Variants in ZFAND3 observed in about 807,000 individuals in gnomAD.
ZFAND3 encodes the protein zinc finger AN1-type containing 3.
Under a neutral mutation model 29.6 loss-of-function variants are expected in ZFAND3, and 10 were observed. That is an observed-to-expected ratio of 0.34 (90% confidence interval 0.21 to 0.57). The LOEUF is 0.57. Among genes scored for constraint, ZFAND3 ranks in the 20% least tolerant of loss-of-function variants. ZFAND3 has a pLI of 0.86. For missense variants in ZFAND3, 230 were observed against 304.5 expected (o/e 0.76, Z 1.82); for synonymous variants, 128 against 112.6 (o/e 1.14, Z -0.87).
intron 4 of ZFAND3, among the ~76,000 whole-genome samples, chr6:38,096,641 G>GT (rs1764986889): frequency 6.6e-6 from 1 of 152,054 alleles, no homozygotes; most frequent in South Asian, 2.1e-4. Flanking sequence ...CTTTGTGGGG[G>GT]TTTTTTTGTT....
chr6:38,132,663 C>T (rs1354589881), intron 5 of ZFAND3, among the ~76,000 whole-genome samples: 1 of 152,228 alleles, frequency 6.6e-6, no homozygotes, highest in Non-Finnish European at 1.5e-5. Flanking sequence ...CCAGTCCAGA[C>T]CCCTAAACTG....
In ZFAND3 at chr6:38,068,141, C is replaced by T. The variant is rs775756157; in HGVS notation, c.295+6366C>T. Among the ~76,000 whole-genome samples the T allele has an allele frequency of 1.6e-3, 243 of 152,254 alleles. 1 individual carries two copies. The highest frequency in any genetic ancestry group is 3.0e-3 in the Non-Finnish European group (205 of 68,026). On this transcript the variant is annotated intron_variant, in intron 3 of 5. Coordinates refer to ENST00000287218, the MANE Select transcript of ZFAND3 (RefSeq NM_021943.3). ...TACATACTAAGAATTAAACAGCAAC[C>T]AGCTCTTACATAAAACTATAGTTTA... is the stretch of plus-strand genomic sequence containing the variant.
At chr6:38,114,430 T>C (rs1371226443) in intron 4 of ZFAND3, among the ~76,000 whole-genome samples, 1 of 152,256 alleles carries the variant, frequency 6.6e-6, no homozygotes, top group African/African-American at 2.4e-5. Context: ...TGACTGGGCC[T>C]GGACAGCTTT....
chr6:37,880,419 G>A (rs995356080), intron 1 of ZFAND3, among the ~76,000 whole-genome samples: 6 of 152,290 alleles, frequency 3.9e-5, no homozygotes, highest in East Asian at 3.9e-4. Context: ...TCAAACAATG[G>A]AATAACTTGC....
At position 37,884,005 on chromosome 6, in the gene ZFAND3, G is replaced by A. The variant is rs538412786; in HGVS notation, c.72-45954G>A. Among the ~76,000 whole-genome samples the A allele has an allele frequency of 4.1e-5, 6 of 145,180 alleles. No individual in the cohort carries two copies. In the East Asian group the frequency reaches 9.7e-4, roughly 24 times the overall value. ...TTGGATGACCAAGAGCTTTACAAGG[G>A]CCCTAGAGCTCCTGGGTAGGGAAAG... On this transcript the variant is annotated intron_variant, in intron 1 of 5. Transcript: ENST00000287218.
At chr6:37,876,999 G>C (rs1218117792) in intron 1 of ZFAND3, among the ~76,000 whole-genome samples, 1 of 152,210 alleles carries the variant, frequency 6.6e-6, no homozygotes, top group Non-Finnish European at 1.5e-5. Flanking sequence ...TTCCTTGAGT[G>C]ACACACAGAT....
At chr6:37,852,244 A>G (rs1346758733) in intron 1 of ZFAND3, among the ~76,000 whole-genome samples, 1 of 152,190 alleles carries the variant, frequency 6.6e-6, no homozygotes, top group Non-Finnish European at 1.5e-5. Flanking sequence ...GGAGCATGTG[A>G]CAATGTCTGG....
intron 2 of ZFAND3, among the ~76,000 whole-genome samples, chr6:37,930,332 A>G (rs1003495020): frequency 3.3e-5 from 5 of 152,190 alleles, no homozygotes; most frequent in Non-Finnish European, 7.3e-5. Flanking sequence ...TGCTCTATCA[A>G]TGAGAATGTA....
intron 4 of ZFAND3, among the ~76,000 whole-genome samples, chr6:38,101,251 T>A (rs1390921985): frequency 2.0e-5 from 3 of 152,220 alleles, no homozygotes; most frequent in African/African-American, 7.2e-5. Context: ...TCTCTTTTTT[T>A]ATATATAAAC....
chr6:37,842,335 A>C (rs1222876631), intron 1 of ZFAND3, among the ~76,000 whole-genome samples: 2 of 151,998 alleles, frequency 1.3e-5, no homozygotes, highest in African/African-American at 4.8e-5. Flanking sequence ...CTCGTACCCT[A>C]TCAGGCAGCC....
intron 2 of ZFAND3, among the ~76,000 whole-genome samples, chr6:38,013,737 A>AG (rs538523536): frequency 6.6e-6 from 1 of 150,496 alleles, no homozygotes; most frequent in African/African-American, 2.4e-5. Context: ...TAAAAAAAAA[A>AG]CAAAAAAAAC....
intron 2 of ZFAND3, among the ~76,000 whole-genome samples, chr6:37,958,597 G>A (rs1455098904): frequency 1.3e-5 from 2 of 152,014 alleles, no homozygotes; most frequent in Non-Finnish European, 1.5e-5. Context: ...AAGATAATGA[G>A]CACTTGAATT....
In ZFAND3 at chr6:37,859,821, T is replaced by C. The variant is rs538086014; in HGVS notation, c.71+39805T>C. Reference sequence around the variant, plus strand: ...TGTCTTTAAAAAGGGTTTTTTTTTTTCCTGAGATAGAGTCTAGCTCTGTTG... The same window carrying C: ...TGTCTTTAAAAAGGGTTTTTTTTTTCCCTGAGATAGAGTCTAGCTCTGTTG... On this transcript the variant is annotated intron_variant, in intron 1 of 5. Transcript: ENST00000287218. Among the ~76,000 whole-genome samples, 46 of 151,636 alleles carry C rather than the reference T, an allele frequency of 3.0e-4. 1 individual carries two copies. Among genetic ancestry groups the C allele is most frequent in the Non-Finnish European group, 4.6e-4 (31 of 67,894 alleles).
At position 38,045,043 on chromosome 6, in the gene ZFAND3, T is replaced by C. The variant is rs1459282457; in HGVS notation, c.113-16550T>C. ...TTTAGTTATAGCTGTCATCTCCCCATGTGGAAATTCTTTTATTTATTTATT... is the reference window on the plus strand; with the variant it reads ...TTTAGTTATAGCTGTCATCTCCCCACGTGGAAATTCTTTTATTTATTTATT... On this transcript the variant is annotated intron_variant, in intron 2 of 5. Coordinates refer to ENST00000287218, the MANE Select transcript of ZFAND3 (RefSeq NM_021943.3). Among the ~76,000 whole-genome samples, 7 of 150,666 alleles carry C rather than the reference T, an allele frequency of 4.6e-5. No individual in the cohort carries two copies. The East Asian group carries it at 1.4e-3, about 29-fold the overall frequency.
intron 4 of ZFAND3, among the ~76,000 whole-genome samples, chr6:38,105,063 G>A (rs1400512367): frequency 6.6e-6 from 1 of 152,172 alleles, no homozygotes; most frequent in Non-Finnish European, 1.5e-5. Context: ...GTGAAATGCA[G>A]GTAGTAGCTA....
At chr6:37,884,494 C>CAAAAAA (rs58015486) in intron 1 of ZFAND3, among the ~76,000 whole-genome samples, 26 of 53,822 alleles carry the variant, frequency 4.8e-4, no homozygotes, top group South Asian at 7.9e-4. Context: ...AACTCTAGCT[C>CAAAAAA]AAAAAAAAAA....
Position 37,824,329 on chromosome 6 carries a change from T to C in ZFAND3, c.71+4313T>C, listed in dbSNP as rs1453933320. Among the ~76,000 whole-genome samples the C allele has an allele frequency of 2.0e-5, 3 of 152,236 alleles. No individual in the cohort carries two copies. The South Asian group carries it at 6.2e-4, about 31-fold the overall frequency. On this transcript the variant is annotated intron_variant, in intron 1 of 5. Transcript: ENST00000287218. ...ATATAAGTGGTATTAGTTGAAGCTG[T>C]ATTTTAAATTATTTAGACATTTAAA... is the stretch of plus-strand genomic sequence containing the variant.
chr6:37,852,865 G>A (rs886364739), intron 1 of ZFAND3, among the ~76,000 whole-genome samples: 1 of 151,948 alleles, frequency 6.6e-6, no homozygotes, highest in Non-Finnish European at 1.5e-5. Flanking sequence ...ACAGGCGTGA[G>A]CCACCATGCC....
At chr6:37,908,390 T>C (rs953529463) in intron 1 of ZFAND3, among the ~76,000 whole-genome samples, 1 of 152,076 alleles carries the variant, frequency 6.6e-6, no homozygotes, top group Non-Finnish European at 1.5e-5. Context: ...GTGAACATAA[T>C]GTCAAGTTCT....
Sources: gnomAD v4.1 joint callset for allele counts (sites outside exome capture counted in the v4.1 genomes callset) on GRCh38, gnomAD v4.1.1 for gene constraint, MANE v1.5 for transcripts, NCBI Gene and HGNC (gene_info 2026-07-23, HGNC 2026-07-21) for gene names.